NELL2: variants seen among roughly 807,000 people sequenced by gnomAD.
NELL2 encodes the protein neural EGFL like 2.
A neutral mutation model predicts 109.6 loss-of-function variants in NELL2; 41 were observed. The observed-to-expected ratio is 0.37, with a 90% CI of 0.29 to 0.49. The LOEUF is 0.49. Ranked by LOEUF, NELL2 falls within the 20% of genes least tolerant of loss-of-function variation. The probability of loss-of-function intolerance (pLI) is 0.98; values close to 1 mark genes in which losing one functional copy is unlikely to be tolerated. For missense variants in NELL2, 900 were observed against 1,008.3 expected (o/e 0.89, Z 1.45); for synonymous variants, 355 against 344.7 (o/e 1.03, Z -0.33).
At chr12:44,581,391 C>T (rs1241372429) in intron 15 of NELL2, among the ~76,000 whole-genome samples, 21 of 152,140 alleles carry the variant, frequency 1.4e-4, no homozygotes, top group Admixed American at 1.4e-3. Context: ...CTCAATTCAT[C>T]ACTGAGAAGT....
intron 11 of NELL2, among the ~76,000 whole-genome samples, chr12:44,708,912 A>C (rs1938039124): frequency 6.6e-6 from 1 of 152,206 alleles, no homozygotes; most frequent in African/African-American, 2.4e-5. Context: ...AACTGTAAAT[A>C]ATTTAAATAT....
At chr12:44,917,823 TAA>T (rs1945839819), upstream of NELL2, among the ~76,000 whole-genome samples, 1 of 152,146 alleles carries the variant, frequency 6.6e-6, no homozygotes, top group Admixed American at 6.5e-5. Context: ...ATGTGGCAAG[TAA>T]CTAAATGGCC....
At chr12:44,541,313 A>T (rs199923084) in intron 15 of NELL2, among the ~76,000 whole-genome samples, 1 of 151,708 alleles carries the variant, frequency 6.6e-6, no homozygotes, top group Non-Finnish European at 1.5e-5. Context: ...AACCAAAAAT[A>T]TTTCTAATTA....
chr12:44,759,369 A>G (rs1258701786), intron 9 of NELL2, among the ~76,000 whole-genome samples: 1 of 152,176 alleles, frequency 6.6e-6, no homozygotes, highest in African/African-American at 2.4e-5. Flanking sequence ...ATTCCTGCCT[A>G]GGAGTAAAGA....
chr12:44,855,087 T>G (rs1347586771), intron 2 of NELL2, among the ~76,000 whole-genome samples: 2 of 152,214 alleles, frequency 1.3e-5, no homozygotes, highest in African/African-American at 4.8e-5. Flanking sequence ...ATTTTATATT[T>G]TATACTAAGT....
intron 15 of NELL2, among the ~76,000 whole-genome samples, chr12:44,581,036 A>T (rs566167472): frequency 1.5e-4 from 23 of 152,282 alleles, no homozygotes; most frequent in Middle Eastern, 3.4e-3. Flanking sequence ...GCATGGGACA[A>T]TTTACATTTC....
At chr12:44,781,514 G>A in intron 3 of NELL2, among the ~76,000 whole-genome samples, 1 of 152,006 alleles carries the variant, frequency 6.6e-6, no homozygotes, top group South Asian at 2.1e-4. Flanking sequence ...AATTTGGCAA[G>A]AGATATAAAC....
chr12:44,755,986 T>A (rs1279256123), intron 9 of NELL2, among the ~76,000 whole-genome samples: 1 of 152,168 alleles, frequency 6.6e-6, no homozygotes, highest in Non-Finnish European at 1.5e-5. Context: ...CTCAAAACTT[T>A]CATGGGCTGT....
chr12:44,605,665 C>T (rs1664182180), intron 15 of NELL2, among the ~76,000 whole-genome samples: 1 of 152,146 alleles, frequency 6.6e-6, no homozygotes. Flanking sequence ...CTGTTCATCC[C>T]AGATTTTCTG....
chr12:44,803,747 A>G (rs183373867), intron 3 of NELL2, among the ~76,000 whole-genome samples: 1 of 152,158 alleles, frequency 6.6e-6, no homozygotes, highest in African/African-American at 2.4e-5. Context: ...TCTCATTTAA[A>G]TGAAAAATAA....
intron 1 of NELL2, among the ~76,000 whole-genome samples, chr12:44,896,007 A>C (rs867082919): frequency 1.6e-4 from 24 of 152,206 alleles, no homozygotes; most frequent in Admixed American, 4.6e-4. Context: ...GACTAAGGAA[A>C]ATAAAGCATT....
At chr12:44,655,134 C>T (rs1947454504) in intron 13 of NELL2, among the ~76,000 whole-genome samples, 1 of 152,122 alleles carries the variant, frequency 6.6e-6, no homozygotes, top group Non-Finnish European at 1.5e-5. Flanking sequence ...ATACATCCAC[C>T]TGGGACAAAG....
At chr12:44,725,062 C>T (rs1250086125) in intron 9 of NELL2, among the ~76,000 whole-genome samples, 1 of 152,052 alleles carries the variant, frequency 6.6e-6, no homozygotes, top group East Asian at 1.9e-4. Flanking sequence ...ACTGGCTAGC[C>T]ATATGCAGAA....
At chr12:44,661,165 T>C (rs1947728604) in intron 13 of NELL2, among the ~76,000 whole-genome samples, 1 of 152,164 alleles carries the variant, frequency 6.6e-6, no homozygotes, top group South Asian at 2.1e-4. Context: ...ACACTGTGCA[T>C]GCTCACTTCC....
intron 9 of NELL2, among the ~76,000 whole-genome samples, chr12:44,759,609 C>G (rs2136545657): frequency 6.6e-6 from 1 of 152,270 alleles, no homozygotes; most frequent in Middle Eastern, 3.4e-3. Flanking sequence ...GTCTAAATTT[C>G]TAACCTGCCA....
At chr12:44,918,416 G>T (rs886697754), upstream of NELL2, among the ~76,000 whole-genome samples, 2 of 151,954 alleles carry the variant, frequency 1.3e-5, no homozygotes, top group African/African-American at 2.4e-5. Context: ...ACAAAACATA[G>T]ACTATTGTCA....
chr12:44,913,592 T>C (rs1945802452), intron 1 of NELL2, among the ~76,000 whole-genome samples: 1 of 152,172 alleles, frequency 6.6e-6, no homozygotes, highest in Non-Finnish European at 1.5e-5. Flanking sequence ...TGTTTCAAGT[T>C]TGAATAGTTG....
At chr12:44,588,043 C>T (rs556239817) in intron 15 of NELL2, among the ~76,000 whole-genome samples, 70 of 151,576 alleles carry the variant, frequency 4.6e-4, no homozygotes, top group Non-Finnish European at 9.1e-4. Context: ...CCCAGCCACT[C>T]GGGAGGCTGA....
intron 19 of NELL2, among the ~76,000 whole-genome samples, chr12:44,519,645 A>G (rs1022009918): frequency 1.3e-5 from 2 of 152,228 alleles, no homozygotes; most frequent in Admixed American, 6.5e-5. Context: ...GCTAAAAATC[A>G]ATAAAACAAT....
Sources: gnomAD v4.1 joint callset for allele counts (sites outside exome capture counted in the v4.1 genomes callset) on GRCh38, gnomAD v4.1.1 for gene constraint, MANE v1.5 for transcripts, NCBI Gene and HGNC (gene_info 2026-07-23, HGNC 2026-07-21) for gene names.